Variants in HDAC9 observed in about 807,000 individuals in gnomAD.
HDAC9 encodes the protein histone deacetylase 9, also known as MEF-2 interacting transcription repressor (MITR) protein.
In HDAC9, 41 loss-of-function variants were observed where a neutral mutation model predicts 139.4. The ratio of observed to expected loss-of-function variants is 0.29; its 90% CI spans 0.23 to 0.38. HDAC9 has a LOEUF of 0.38. Ranked by LOEUF, HDAC9 falls within the 10% of genes least tolerant of loss-of-function variation. The pLI is 1.00. For missense variants in HDAC9, 1,147 were observed against 1,297.0 expected, an observed-to-expected ratio of 0.88 and a Z score of 1.78; for synonymous variants, 517 against 476.2, an observed-to-expected ratio of 1.09 and a Z score of -1.12.
At chr7:18,173,653 G>A (rs1049061133) in intron 2 of HDAC9, among the ~76,000 whole-genome samples, 16 of 152,158 alleles carry the variant, frequency 1.1e-4, no homozygotes, top group African/African-American at 3.9e-4. Context: ...GCCAGGTGGT[G>A]ACAGAATCTC....
intron 11 of HDAC9, among the ~76,000 whole-genome samples, chr7:18,649,247 A>T (rs557476353): frequency 1.3e-5 from 2 of 152,164 alleles, no homozygotes; most frequent in South Asian, 4.1e-4. Context: ...ACCGTACCAC[A>T]TCCTTAGGAG....
At chr7:18,573,934 C>T (rs764942914) in intron 2 of HDAC9, among the ~76,000 whole-genome samples, 1 of 152,160 alleles carries the variant, frequency 6.6e-6, no homozygotes. Context: ...ACATGGCAAG[C>T]GGGAGGGTGT....
In HDAC9 at chr7:18,115,738, T is replaced by A. The variant is rs937688539; in HGVS notation, c.-97+28525T>A. Among the ~76,000 whole-genome samples the A allele has an allele frequency of 8.5e-5, 13 of 152,226 alleles. 1 individual carries two copies. Among genetic ancestry groups the A allele is most frequent in the Non-Finnish European group, 2.9e-5 (2 of 68,028 alleles). The stretch of plus-strand genomic sequence containing the variant: ...CCTGTGCTCCTAGTAATAATAACAA[T>A]TAGGCATTATGCCAAAGATTTTATA... On this transcript the variant is annotated intron_variant, in intron 1 of 12. Transcript: ENST00000417496.
intron 2 of HDAC9, among the ~76,000 whole-genome samples, chr7:18,190,682 A>G (rs1163179947): frequency 6.6e-6 from 1 of 152,200 alleles, no homozygotes; most frequent in Non-Finnish European, 1.5e-5. Context: ...ATTAAATAAT[A>G]TATTGAAATA....
At chr7:18,720,079 T>A (rs1238126628) in intron 12 of HDAC9, among the ~76,000 whole-genome samples, 2 of 152,156 alleles carry the variant, frequency 1.3e-5, no homozygotes, top group African/African-American at 4.8e-5. Flanking sequence ...ATTAGACTCT[T>A]CTTCCTATAT....
At chr7:18,662,233 A>G (rs1793400740) in intron 11 of HDAC9, among the ~76,000 whole-genome samples, 2 of 152,044 alleles carry the variant, frequency 1.3e-5, no homozygotes, top group Admixed American at 6.6e-5. Flanking sequence ...ACCTATTAAT[A>G]TCATATTTAA....
At chr7:18,091,153 A>G (rs1407262023) in intron 1 of HDAC9, among the ~76,000 whole-genome samples, 3 of 152,226 alleles carry the variant, frequency 2.0e-5, no homozygotes, top group Admixed American at 6.5e-5. Flanking sequence ...TTACTCTTCC[A>G]TTCCCTAAAT....
At chr7:18,363,826 C>T (rs1783971413) in intron 1 of HDAC9, among the ~76,000 whole-genome samples, 1 of 152,064 alleles carries the variant, frequency 6.6e-6, no homozygotes, top group Non-Finnish European at 1.5e-5. Flanking sequence ...AAGGGCATCT[C>T]ATTGTATTAT....
intron 2 of HDAC9, among the ~76,000 whole-genome samples, chr7:18,569,047 C>CA (rs1017305240): frequency 1.4e-5 from 2 of 147,556 alleles, no homozygotes; most frequent in Non-Finnish European, 3.0e-5. Context: ...AATTCTGTCT[C>CA]AAAAAAATAA....
At chr7:18,208,073 T>C (rs1791667790) in intron 2 of HDAC9, among the ~76,000 whole-genome samples, 1 of 152,190 alleles carries the variant, frequency 6.6e-6, no homozygotes, top group African/African-American at 2.4e-5. Context: ...GGCACAGCTA[T>C]GTGGATCTCT....
intron 1 of HDAC9, among the ~76,000 whole-genome samples, chr7:18,460,115 G>A (rs1263671688): frequency 6.6e-6 from 1 of 151,912 alleles, no homozygotes; most frequent in African/African-American, 2.4e-5. Flanking sequence ...GAGACAGGAT[G>A]TCATTGTGTT....
intron 23 of HDAC9, among the ~76,000 whole-genome samples, chr7:18,941,558 G>A (rs1194483722): frequency 1.3e-5 from 2 of 152,100 alleles, no homozygotes; most frequent in Non-Finnish European, 2.9e-5. Flanking sequence ...ATTATGTATG[G>A]CTGAAGCTTA....
Position 18,874,094 on chromosome 7 carries a change from G to C in HDAC9, c.2685-384G>C, listed in dbSNP as rs544019983. 2.2e-3 allele frequency among the ~76,000 whole-genome samples: 336 copies of C among 152,010 alleles called. 1 individual carries two copies. Among genetic ancestry groups the C allele is most frequent in the African/African-American group, 7.3e-3 (303 of 41,448 alleles). The stretch of plus-strand genomic sequence containing the variant: ...AAGTTCTCACTAACTGGAGCAAGCC[G>C]GGTTTTCACTAAAGCTTTGACTTTC... On this transcript the variant is annotated intron_variant, in intron 21 of 25. Coordinates refer to ENST00000686413, the MANE Select transcript of HDAC9 (RefSeq NM_178425.4).
intron 1 of HDAC9, among the ~76,000 whole-genome samples, chr7:18,487,942 A>G (rs1796092766): frequency 6.6e-6 from 1 of 152,194 alleles, no homozygotes; most frequent in Non-Finnish European, 1.5e-5. Context: ...AATGTGGTAT[A>G]TATTCAGATG....
At chr7:18,688,780 G>A (rs1468138768) in intron 12 of HDAC9, among the ~76,000 whole-genome samples, 2 of 151,868 alleles carry the variant, frequency 1.3e-5, no homozygotes, top group African/African-American at 4.8e-5. Context: ...CAGGGCAGAG[G>A]TCACTAGCTG....
chr7:18,955,985 T>A (rs190494623), intron 24 of HDAC9, among the ~76,000 whole-genome samples: 1 of 152,280 alleles, frequency 6.6e-6, no homozygotes, highest in East Asian at 1.9e-4. Flanking sequence ...TGGATCTAAT[T>A]TCCTAGTAAT....
chr7:18,551,854 A>G (rs1452398283), intron 2 of HDAC9, among the ~76,000 whole-genome samples: 1 of 152,228 alleles, frequency 6.6e-6, no homozygotes, highest in East Asian at 1.9e-4. Flanking sequence ...GCCGTTATTT[A>G]CAGCAGAAGG....
chr7:18,677,480 T>C (rs949331969), intron 12 of HDAC9, among the ~76,000 whole-genome samples: 3 of 151,934 alleles, frequency 2.0e-5, no homozygotes, highest in Non-Finnish European at 2.9e-5. Context: ...ATTTATTTTA[T>C]TTCGTTTGAG....
intron 21 of HDAC9, among the ~76,000 whole-genome samples, chr7:18,847,439 C>G (rs941520826): frequency 1.3e-5 from 2 of 152,024 alleles, no homozygotes; most frequent in Non-Finnish European, 2.9e-5. Context: ...TACAACACCT[C>G]CCAATTAATC....
Sources: gnomAD v4.1 joint callset for allele counts (sites outside exome capture counted in the v4.1 genomes callset) on GRCh38, gnomAD v4.1.1 for gene constraint, MANE v1.5 for transcripts, NCBI Gene and HGNC (gene_info 2026-07-23, HGNC 2026-07-21) for gene names.